The following NCKAP5 variants were observed in gnomAD, a reference collection of about 807,000 sequenced individuals.
NCKAP5 encodes NCK associated protein 5.
In NCKAP5, 92 loss-of-function variants were observed where a neutral mutation model predicts 167.0. That is an observed-to-expected ratio of 0.55 (90% CI 0.47 to 0.66). NCKAP5 has a LOEUF of 0.66. Ranked by LOEUF, NCKAP5 falls within the 30% of genes least tolerant of loss-of-function variation. NCKAP5 has a pLI of 0.00. For missense variants in NCKAP5, 2,378 were observed against 2,315.0 expected, an observed-to-expected ratio of 1.03 and a Z score of -0.56; for synonymous variants, 891 against 877.4, an observed-to-expected ratio of 1.02 and a Z score of -0.27.
At chr2:133,431,482 T>C (rs1237093566) in intron 3 of NCKAP5, among the ~76,000 whole-genome samples, 1 of 152,160 alleles carries the variant, frequency 6.6e-6, no homozygotes, top group Admixed American at 6.6e-5. Flanking sequence ...GGCTTTTTCT[T>C]TGATGTGAAC....
intron 3 of NCKAP5, among the ~76,000 whole-genome samples, chr2:133,477,391 T>C (rs16825509): frequency 0.079 from 12,091 of 152,244 alleles, 592 homozygotes; most frequent in South Asian, 0.16. Flanking sequence ...TTGAACATTC[T>C]GCTCTATCTG....
intron 6 of NCKAP5, among the ~76,000 whole-genome samples, chr2:133,007,730 A>G (rs927160226): frequency 2.6e-5 from 4 of 152,226 alleles, no homozygotes; most frequent in Admixed American, 2.6e-4. Context: ...TCAGTCCAAA[A>G]ATCGTCCTGG....
chr2:133,416,655 G>GC (rs1479468084), intron 3 of NCKAP5, among the ~76,000 whole-genome samples: 1 of 147,212 alleles, frequency 6.8e-6, no homozygotes, highest in Non-Finnish European at 1.5e-5. Context: ...TTGGCATTAT[G>GC]CAAAAAAAAA....
chr2:132,977,304 T>C (rs1386849489), intron 7 of NCKAP5, among the ~76,000 whole-genome samples: 1 of 152,194 alleles, frequency 6.6e-6, no homozygotes, highest in Non-Finnish European at 1.5e-5. Flanking sequence ...GAAAACATTT[T>C]TTAAACAAGT....
intron 3 of NCKAP5, among the ~76,000 whole-genome samples, chr2:133,340,375 C>T (rs1174674653): frequency 6.6e-6 from 1 of 152,156 alleles, no homozygotes; most frequent in Non-Finnish European, 1.5e-5. Flanking sequence ...TTCCTCTGGC[C>T]AGACTAAGTT....
chr2:133,357,523 C>G (rs886714105), intron 3 of NCKAP5, among the ~76,000 whole-genome samples: 1 of 152,114 alleles, frequency 6.6e-6, no homozygotes, highest in African/African-American at 2.4e-5. Flanking sequence ...TAACAGGACA[C>G]AGCTAAGATC....
chr2:133,620,345 C>T, the NCKAP5 span, among the ~76,000 whole-genome samples: 3 of 151,886 alleles, frequency 2.0e-5, no homozygotes, highest in South Asian at 2.1e-4. Context: ...GAGAATAATA[C>T]GTCAACCAAG....
intron 11 of NCKAP5, among the ~76,000 whole-genome samples, chr2:132,800,099 A>T (rs1684911252): frequency 6.6e-6 from 1 of 152,194 alleles, no homozygotes; most frequent in South Asian, 2.1e-4. Context: ...TTATACTGAT[A>T]CTATATTACC....
At chr2:132,853,043 T>C (rs1311292765) in intron 11 of NCKAP5, among the ~76,000 whole-genome samples, 2 of 152,192 alleles carry the variant, frequency 1.3e-5, no homozygotes. Context: ...TAAAGCAATA[T>C]ATTCTGGCTG....
At chr2:133,244,537 G>T (rs766555924) in intron 4 of NCKAP5, among the ~76,000 whole-genome samples, 1 of 151,972 alleles carries the variant, frequency 6.6e-6, no homozygotes, top group African/African-American at 2.4e-5. Flanking sequence ...AGAATTAAAG[G>T]ACTTAACCAC....
At chr2:133,254,123 C>T (rs988459757) in intron 4 of NCKAP5, among the ~76,000 whole-genome samples, 56 of 152,158 alleles carry the variant, frequency 3.7e-4, no homozygotes, top group African/African-American at 4.6e-4. Context: ...ATATTCATGA[C>T]CTGGTGTAAT....
At chr2:133,046,821 A>G (rs576156219) in intron 6 of NCKAP5, among the ~76,000 whole-genome samples, 1 of 152,216 alleles carries the variant, frequency 6.6e-6, no homozygotes, top group African/African-American at 2.4e-5. Flanking sequence ...AGAAAGGAAA[A>G]GATTAGCATA....
At chr2:132,887,491 T>A (rs1692343707) in intron 8 of NCKAP5, among the ~76,000 whole-genome samples, 1 of 152,202 alleles carries the variant, frequency 6.6e-6, no homozygotes, top group South Asian at 2.1e-4. Flanking sequence ...TCTATCTTGT[T>A]ACCTCTTATA....
chr2:133,254,255 G>T (rs1194264591), intron 4 of NCKAP5, among the ~76,000 whole-genome samples: 3 of 152,102 alleles, frequency 2.0e-5, no homozygotes, highest in Non-Finnish European at 2.9e-5. Context: ...TTACACTTTT[G>T]CCCTGAACCA....
At chr2:132,902,124 C>G (rs1271317514) in intron 8 of NCKAP5, among the ~76,000 whole-genome samples, 1 of 152,050 alleles carries the variant, frequency 6.6e-6, no homozygotes, top group Non-Finnish European at 1.5e-5. Flanking sequence ...TTTTACAGCA[C>G]CAAAGTAAAG....
intron 3 of NCKAP5, among the ~76,000 whole-genome samples, chr2:133,309,975 C>T (rs993052952): frequency 6.6e-6 from 1 of 152,118 alleles, no homozygotes; most frequent in Admixed American, 6.5e-5. Context: ...CATAGAATCC[C>T]CAATTCACCT....
intron 3 of NCKAP5, among the ~76,000 whole-genome samples, chr2:133,407,319 A>G (rs1688500669): frequency 1.3e-5 from 2 of 152,242 alleles, no homozygotes; most frequent in African/African-American, 4.8e-5. Flanking sequence ...ATGGAAGCAG[A>G]GAAACCAAAC....
At chr2:133,474,154 A>ATCTATCTG (rs369130877) in intron 3 of NCKAP5, among the ~76,000 whole-genome samples, 4 of 135,378 alleles carry the variant, frequency 3.0e-5, no homozygotes, top group South Asian at 2.1e-4. Flanking sequence ...CTATCTATCT[A>ATCTATCTG]TACACACACA....
intron 8 of NCKAP5, among the ~76,000 whole-genome samples, chr2:132,932,174 C>T (rs570861343): frequency 6.6e-6 from 1 of 152,210 alleles, no homozygotes; most frequent in East Asian, 1.9e-4. Context: ...GTTTTATATG[C>T]CACAGCTTTA....
Sources: allele counts gnomAD v4.1 joint callset (sites outside exome capture counted in the v4.1 genomes callset), GRCh38; gene constraint gnomAD v4.1.1; transcripts MANE v1.5; gene names NCBI Gene and HGNC (gene_info 2026-07-23, HGNC 2026-07-21).